LHPP: variants seen among roughly 807,000 people sequenced by gnomAD.
LHPP encodes phospholysine phosphohistidine inorganic pyrophosphate phosphatase.
Under a neutral mutation model 30.3 loss-of-function variants are expected in LHPP, and 24 were observed. That is an observed-to-expected ratio of 0.79 (90% CI 0.57 to 1.11). LHPP has a LOEUF of 1.11. Among genes scored for constraint, LHPP ranks in the 50% most tolerant of loss-of-function variants. The pLI is 0.00. For synonymous variants in LHPP, 150 were observed against 157.1 expected, an observed-to-expected ratio of 0.95 and a Z score of 0.34; for missense variants, 356 against 367.2, an observed-to-expected ratio of 0.97 and a Z score of 0.25.
chr10:124,512,344 C>A (rs949533557), intron 5 of LHPP, among the ~76,000 whole-genome samples: 1 of 152,084 alleles, frequency 6.6e-6, no homozygotes, highest in African/African-American at 2.4e-5. Context: ...AGGCCGGGCG[C>A]GGTGGCTCAC....
chr10:124,502,102 A>C (rs1953919371), intron 5 of LHPP, among the ~76,000 whole-genome samples: 1 of 152,006 alleles, frequency 6.6e-6, no homozygotes, highest in Non-Finnish European at 1.5e-5. Flanking sequence ...CAAACATAGT[A>C]CAAAATGTTC....
intron 1 of LHPP, among the ~76,000 whole-genome samples, chr10:124,470,736 A>G (rs953519350): frequency 2.6e-5 from 4 of 152,154 alleles, no homozygotes; most frequent in Non-Finnish European, 5.9e-5. Flanking sequence ...CTATTGCCTC[A>G]TCCAACCCCC....
At chr10:124,591,097 G>A (rs1413923294) in intron 6 of LHPP, among the ~76,000 whole-genome samples, 1 of 152,200 alleles carries the variant, frequency 6.6e-6, no homozygotes, top group African/African-American at 2.4e-5. Flanking sequence ...GGGGGAAGGG[G>A]GCACCGCGGG....
At chr10:124,498,816 G>GCC (rs75208793) in intron 5 of LHPP, 50 of 317,428 alleles carry the variant, frequency 1.6e-4, no homozygotes, top group South Asian at 7.1e-4. Flanking sequence ...TACTAACCAG[G>GCC]CCCCCCCCCC....
At chr10:124,487,458 T>C (rs76644457) in intron 2 of LHPP, among the ~76,000 whole-genome samples, 1 of 151,318 alleles carries the variant, frequency 6.6e-6, no homozygotes, top group African/African-American at 2.4e-5. Context: ...TTTTTTTTTT[T>C]TTGAGACAGA....
chr10:124,530,884 G>A (rs1033229395), intron 6 of LHPP, among the ~76,000 whole-genome samples: 1 of 149,000 alleles, frequency 6.7e-6, no homozygotes, highest in Non-Finnish European at 1.5e-5. Flanking sequence ...CAGGCAGAGC[G>A]GCCAAGGTAG....
chr10:124,527,866 G>C (rs576972916), intron 6 of LHPP, among the ~76,000 whole-genome samples: 27 of 152,168 alleles, frequency 1.8e-4, no homozygotes, highest in African/African-American at 6.3e-4. Flanking sequence ...CTGCAGCCTG[G>C]AACTCCTGGG....
intron 5 of LHPP, among the ~76,000 whole-genome samples, chr10:124,501,660 C>T (rs948912943): frequency 1.6e-4 from 24 of 150,252 alleles, no homozygotes; most frequent in Non-Finnish European, 2.7e-4. Context: ...GATGGTGGCA[C>T]GACGTTCTGA....
chr10:124,598,284 G>C (rs898023196), intron 6 of LHPP, among the ~76,000 whole-genome samples: 6 of 152,250 alleles, frequency 3.9e-5, no homozygotes, highest in Non-Finnish European at 8.8e-5. Context: ...ACCCACAGGG[G>C]CTTCCGCTTC....
chr10:124,508,361 A>G (rs1954214940), intron 5 of LHPP, among the ~76,000 whole-genome samples: 2 of 152,204 alleles, frequency 1.3e-5, no homozygotes, highest in Admixed American at 1.3e-4. Context: ...CAGCACTGAA[A>G]GAATGGGCCC....
chr10:124,463,394 C>G (rs1419513283), intron 1 of LHPP, among the ~76,000 whole-genome samples: 1 of 151,252 alleles, frequency 6.6e-6, no homozygotes, highest in Admixed American at 6.6e-5. Flanking sequence ...GACAGTTTTG[C>G]TCTTGTTGCC....
At chr10:124,559,664 T>G (rs1466779084) in intron 6 of LHPP, among the ~76,000 whole-genome samples, 1 of 152,272 alleles carries the variant, frequency 6.6e-6, no homozygotes, top group African/African-American at 2.4e-5. Context: ...GTATGTCACG[T>G]AGGATAATGA....
At chr10:124,506,729 A>G (rs1404154452) in intron 5 of LHPP, among the ~76,000 whole-genome samples, 9 of 34,060 alleles carry the variant, frequency 2.6e-4, no homozygotes, top group Admixed American at 4.4e-4. Flanking sequence ...GGGGTGGGTA[A>G]GGAGGATTTC....
intron 2 of LHPP, among the ~76,000 whole-genome samples, chr10:124,484,770 A>G (rs12785110): frequency 0.15 from 22,647 of 152,088 alleles, 1,870 homozygotes; most frequent in African/African-American, 0.22. Flanking sequence ...GTCTGGCACC[A>G]TAGCCTTCAA....
chr10:124,512,887 G>C (rs931182455), intron 5 of LHPP, among the ~76,000 whole-genome samples: 1 of 152,122 alleles, frequency 6.6e-6, no homozygotes, highest in Non-Finnish European at 1.5e-5. Flanking sequence ...CCTTCCCCCA[G>C]ATGGAGAGCA....
chr10:124,543,512 G>A (rs1006671145), intron 6 of LHPP, among the ~76,000 whole-genome samples: 8 of 152,186 alleles, frequency 5.3e-5, no homozygotes, highest in African/African-American at 1.9e-4. Flanking sequence ...CTCAAAACAG[G>A]GAGTCTTCTC....
chr10:124,504,974 T>C (rs946520458), intron 5 of LHPP, among the ~76,000 whole-genome samples: 7 of 152,142 alleles, frequency 4.6e-5, no homozygotes, highest in African/African-American at 1.7e-4. Context: ...GCCGCTGCCA[T>C]CCACCCTGAG....
At chr10:124,603,762 G>C (rs561427273) in intron 6 of LHPP, among the ~76,000 whole-genome samples, 47 of 152,324 alleles carry the variant, frequency 3.1e-4, no homozygotes, top group African/African-American at 1.1e-3. Context: ...AATGGCAGGA[G>C]GTGCCCTGGG....
At chr10:124,529,813 G>GCACACACACACACACACACGCA (rs1954844212) in intron 6 of LHPP, among the ~76,000 whole-genome samples, 1 of 147,086 alleles carries the variant, frequency 6.8e-6, no homozygotes, top group Admixed American at 6.8e-5. Flanking sequence ...ACACACACAC[G>GCACACACACACACACACACGCA]CACACACACA....
Sources: gnomAD v4.1 joint callset for allele counts (sites outside exome capture counted in the v4.1 genomes callset) on GRCh38, gnomAD v4.1.1 for gene constraint, MANE v1.5 for transcripts, NCBI Gene and HGNC (gene_info 2026-07-23, HGNC 2026-07-21) for gene names.